MC2R: variants seen among roughly 807,000 people sequenced by gnomAD.
The protein encoded by MC2R is adrenocorticotropic hormone receptor.
Under a neutral mutation model 9.8 loss-of-function variants are expected in MC2R, and 9 were observed. That is an observed-to-expected ratio of 0.92 (90% CI 0.55 to 1.60). MC2R has a LOEUF of 1.60. Among genes scored for constraint, MC2R ranks in the 40% most tolerant of loss-of-function variants. The pLI is 0.00. For missense variants in MC2R, 370 were observed against 389.0 expected, an observed-to-expected ratio of 0.95 and a Z score of 0.41; for synonymous variants, 185 against 154.7, an observed-to-expected ratio of 1.20 and a Z score of -1.45.
intron 1 of MC2R, among the ~76,000 whole-genome samples, chr18:13,900,058 A>G (rs1460387130): frequency 6.6e-6 from 1 of 152,186 alleles, no homozygotes; most frequent in East Asian, 1.9e-4. Context: ...AATTTTCAAG[A>G]TATGGACAGT....
chr18:13,891,900 C>T (rs2045317684), intron 1 of MC2R, among the ~76,000 whole-genome samples: 2 of 151,994 alleles, frequency 1.3e-5, no homozygotes, highest in Non-Finnish European at 2.9e-5. Context: ...ATTTCTTGGT[C>T]CTGAATTCAA....
At chr18:13,892,425 G>A (rs1012490818) in intron 1 of MC2R, among the ~76,000 whole-genome samples, 6 of 151,180 alleles carry the variant, frequency 4.0e-5, no homozygotes, top group Non-Finnish European at 8.8e-5. Context: ...GGGCCTACCC[G>A]TCCCTCCCCA....
At chr18:13,901,522 G>A (rs2045379880) in intron 1 of MC2R, among the ~76,000 whole-genome samples, 1 of 151,588 alleles carries the variant, frequency 6.6e-6, no homozygotes, top group Non-Finnish European at 1.5e-5. Context: ...AAAGAGAGAA[G>A]ATATAAATAA....
rs533388479 is a variant in MC2R, at chr18:13,898,871, T to C, written c.-128-13225A>G. Reference sequence around the variant, plus strand: ...TTAGATCACAACTCCCAAGTTCTTTTAAATATCTGGAAAGCCTTCCCAAGG... The same window carrying C: ...TTAGATCACAACTCCCAAGTTCTTTCAAATATCTGGAAAGCCTTCCCAAGG... On this transcript the variant is annotated intron_variant, in intron 1 of 1. Transcript: ENST00000327606. Among the ~76,000 whole-genome samples the C allele has an allele frequency of 7.9e-5, 12 of 152,272 alleles. No homozygotes were observed. In the East Asian group the frequency reaches 2.3e-3, roughly 29 times the overall value.
At chr18:13,913,422 T>C (rs2045458193) in intron 1 of MC2R, among the ~76,000 whole-genome samples, 2 of 152,226 alleles carry the variant, frequency 1.3e-5, no homozygotes, top group African/African-American at 4.8e-5. Context: ...CTAGGTTGAT[T>C]AGTCTCTGTA....
At chr18:13,892,805 T>TACACACACACACAAACACACAC (rs1249337026) in intron 1 of MC2R, among the ~76,000 whole-genome samples, 2 of 147,106 alleles carry the variant, frequency 1.4e-5, no homozygotes, top group African/African-American at 5.1e-5. Flanking sequence ...CATAATCTGT[T>TACACACACACACAAACACACAC]ACACACACAC....
At position 13,884,566 on chromosome 18, in the gene MC2R, A is replaced by T. The variant is rs1567895235; in HGVS notation, c.*59T>A. 6.4e-7 allele frequency: 1 copy of T among 1,571,094 alleles called. No homozygotes were observed. The highest frequency in any genetic ancestry group is 8.7e-7 in the Non-Finnish European group (1 of 1,150,448). ...GCACTGGCATTTGTTGGAATGTTAC[A>T]CTATTCTGGCACTTGGCAACGTTAT... On this transcript the variant is annotated 3_prime_UTR_variant, in exon 2 of 2. Coordinates refer to ENST00000327606, the MANE Select transcript of MC2R (RefSeq NM_000529.2).
At chr18:13,889,905 G>A (rs117129360) in intron 1 of MC2R, among the ~76,000 whole-genome samples, 3,976 of 152,196 alleles carry the variant, frequency 0.026, 65 homozygotes, top group Middle Eastern at 0.041. Context: ...GAGGCCCAGA[G>A]ACCAAGAGAC....
intron 1 of MC2R, among the ~76,000 whole-genome samples, chr18:13,886,471 C>A (rs1302843341): frequency 6.6e-6 from 1 of 152,168 alleles, no homozygotes; most frequent in South Asian, 2.1e-4. Context: ...AGCAGGAGAG[C>A]CCACAGCTGC....
chr18:13,898,263 T>G (rs1294770192), intron 1 of MC2R, among the ~76,000 whole-genome samples: 2 of 152,114 alleles, frequency 1.3e-5, no homozygotes, highest in African/African-American at 4.8e-5. Context: ...TTTGGTGATG[T>G]TGGTTACAGG....
chr18:13,899,842 T>C (rs2045368335), intron 1 of MC2R, among the ~76,000 whole-genome samples: 1 of 152,156 alleles, frequency 6.6e-6, no homozygotes, highest in Non-Finnish European at 1.5e-5. Context: ...AGAACTGTTC[T>C]ACAAGAAATG....
intron 1 of MC2R, among the ~76,000 whole-genome samples, chr18:13,909,232 T>C (rs1367460942): frequency 6.6e-6 from 1 of 152,184 alleles, no homozygotes; most frequent in African/African-American, 2.4e-5. Context: ...TTTCTCATGA[T>C]TAGACTGGGG....
chr18:13,905,702 T>C (rs1483912534), intron 1 of MC2R, among the ~76,000 whole-genome samples: 1 of 152,146 alleles, frequency 6.6e-6, no homozygotes, highest in Admixed American at 6.5e-5. Context: ...TCCTCAAGGA[T>C]CTAGAACTGG....
At chr18:13,909,018 C>G (rs1036379381) in intron 1 of MC2R, among the ~76,000 whole-genome samples, 1 of 152,066 alleles carries the variant, frequency 6.6e-6, no homozygotes, top group African/African-American at 2.4e-5. Context: ...ATGCTTTATT[C>G]AAATGTCCTT....
chr18:13,889,460 G>A lies in MC2R; in HGVS notation c.-128-3814C>T, dbSNP rs950744734. On this transcript the variant is annotated intron_variant, in intron 1 of 1. Coordinates refer to ENST00000327606, the MANE Select transcript of MC2R (RefSeq NM_000529.2). ...TTGGCAGGCAGAGCAGACAATTGGG[G>A]TAGTTATAACTGTTCAAGGGACTGC... is the stretch of plus-strand genomic sequence containing the variant. Among the ~76,000 whole-genome samples the A allele has an allele frequency of 3.9e-5, 6 of 152,298 alleles. No homozygotes were observed. The South Asian group carries it at 1.2e-3, about 32-fold the overall frequency.
At chr18:13,905,507 A>G (rs1338141812) in intron 1 of MC2R, among the ~76,000 whole-genome samples, 2 of 151,724 alleles carry the variant, frequency 1.3e-5, no homozygotes, top group African/African-American at 4.8e-5. Flanking sequence ...GCTCAAGATC[A>G]CTGATCATCA....
In MC2R at chr18:13,885,128, T is replaced by A. The variant is rs2045267118; in HGVS notation, c.391A>T (p.Thr131Ser). ...LSVIAADRYITIFHALRYHSI... is the reference protein window; with the variant it reads ...LSVIAADRYISIFHALRYHSI... ...TGGTACCGCAGTGCGTGGAAGATGG[T>A]GATGTAGCGGTCCGCAGCAATCACA... The change falls in exon 2 of 2, where the codon ACC (threonine) becomes TCC (serine). Residue 131 changes from threonine (T) to serine (S), a missense_variant. Coordinates refer to ENST00000327606, the MANE Select transcript of MC2R (RefSeq NM_000529.2). 9.9e-6 allele frequency: 16 copies of A among 1,613,874 alleles called. No homozygotes were observed. The highest frequency in any genetic ancestry group is 1.7e-5 in the Admixed American group (1 of 59,992).
intron 1 of MC2R, among the ~76,000 whole-genome samples, chr18:13,889,947 C>T (rs1159793327): frequency 6.6e-6 from 1 of 152,158 alleles, no homozygotes; most frequent in Non-Finnish European, 1.5e-5. Context: ...TTGTGTTGCA[C>T]AGCTGGGATT....
At chr18:13,906,285 T>C (rs1229752347) in intron 1 of MC2R, among the ~76,000 whole-genome samples, 1 of 152,102 alleles carries the variant, frequency 6.6e-6, no homozygotes, top group African/African-American at 2.4e-5. Flanking sequence ...TGCAGGGACA[T>C]GGATAAAGCT....
Sources: gnomAD v4.1 joint callset for allele counts (sites outside exome capture counted in the v4.1 genomes callset) on GRCh38, gnomAD v4.1.1 for gene constraint, MANE v1.5 for transcripts, NCBI Gene and HGNC (gene_info 2026-07-23, HGNC 2026-07-21) for gene names.